The following RICTOR variants were observed in gnomAD, a reference collection of about 807,000 sequenced individuals.
The protein encoded by RICTOR is rapamycin-insensitive companion of mTOR.
Under a neutral mutation model 214.9 loss-of-function variants are expected in RICTOR, and 49 were observed. That is an observed-to-expected ratio of 0.23 (90% confidence interval 0.18 to 0.29). The LOEUF (loss-of-function observed/expected upper bound fraction) is 0.29. Among genes scored for constraint, RICTOR ranks in the 10% least tolerant of loss-of-function variants. The pLI, the probability that RICTOR is intolerant of heterozygous loss-of-function variation, is 1.00. For missense variants in RICTOR, 1,625 were observed against 2,047.0 expected (o/e 0.79, Z 3.98); for synonymous variants, 717 against 711.3 (o/e 1.01, Z -0.13).
At chr5:39,011,687 C>T (rs556527167) in intron 3 of RICTOR, among the ~76,000 whole-genome samples, 1 of 152,260 alleles carries the variant, frequency 6.6e-6, no homozygotes, top group South Asian at 2.1e-4. Flanking sequence ...CAAGGGAGAT[C>T]ATTTTGGAAC....
rs1171727462 is a variant in RICTOR, at chr5:38,938,090, T to C, written c.*4214A>G. The C allele has an allele frequency of 2.4e-5, 5 of 207,482 alleles. No individual in the cohort carries two copies. Among genetic ancestry groups the C allele is most frequent in the East Asian group, 2.2e-4 (3 of 13,618 alleles). The allele number at this position is 207,482 out of a possible 1,614,324, so 12.9% of individuals were successfully genotyped here. ...CATTTGGGGACAAATCTTATTTAAATTATACACAACTCAATGAAATATTCT... is the reference window on the plus strand; with the variant it reads ...CATTTGGGGACAAATCTTATTTAAACTATACACAACTCAATGAAATATTCT... On this transcript the variant is annotated 3_prime_UTR_variant, in exon 38 of 38. Transcript: ENST00000357387.
intron 19 of RICTOR, among the ~76,000 whole-genome samples, chr5:38,961,859 C>T (rs1186148489): frequency 6.6e-6 from 1 of 151,944 alleles, no homozygotes; most frequent in Non-Finnish European, 1.5e-5. Context: ...AGAACAGCAT[C>T]GTAGCTTAAA....
chr5:38,943,155 TG>T lies in RICTOR; in HGVS notation c.4914-185del, dbSNP rs201162851. On this transcript the variant is annotated intron_variant, in intron 36 of 37. Transcript: ENST00000357387. ...GTCACACACTTAGACATTCTGAGTTTGGGTTTTTTTTTAAAAAAAATGATTA... is the reference window on the plus strand; with the variant it reads ...GTCACACACTTAGACATTCTGAGTTTGGTTTTTTTTTAAAAAAAATGATTA... The T allele has an allele frequency of 1.4e-3, 513 of 373,732 alleles. 2 individuals are homozygous for T. The highest frequency in any genetic ancestry group is 0.012 in the East Asian group (340 of 27,866). 23.2% of individuals were successfully genotyped at this position (373,732 alleles called of 1,614,324 possible). A position where few individuals can be genotyped will look rare whatever the true frequency, so the allele number is the denominator to read the frequency against.
chr5:39,022,188 T>C (rs1245348654), intron 2 of RICTOR, among the ~76,000 whole-genome samples: 1 of 152,188 alleles, frequency 6.6e-6, no homozygotes, highest in Non-Finnish European at 1.5e-5. Flanking sequence ...ACTAAGATGT[T>C]TGGTAGATTA....
At position 38,954,764 on chromosome 5, in the gene RICTOR, A is replaced by G; in HGVS notation, c.2697+10T>C. On this transcript the variant is annotated intron_variant, in intron 27 of 37. Coordinates refer to ENST00000357387, the MANE Select transcript of RICTOR (RefSeq NM_152756.5). ...TGTAGCTACTTAAAATAAGTGAATT[A>G]TGTTTTTACCTGTACTTCCAACAAA... is the stretch of plus-strand genomic sequence containing the variant. 6.7e-7 allele frequency: 1 copy of G among 1,489,042 alleles called. No individual in the cohort carries two copies. The highest frequency in any genetic ancestry group is 1.7e-4 in the Middle Eastern group (1 of 5,760). The allele number at this position is 1,489,042 out of a possible 1,614,324, so 92.2% of individuals were successfully genotyped here.
chr5:39,067,105 C>A (rs1020032030), intron 2 of RICTOR, among the ~76,000 whole-genome samples: 1 of 152,190 alleles, frequency 6.6e-6, no homozygotes, highest in African/African-American at 2.4e-5. Context: ...GCTGTTCTTG[C>A]ACTGCTATAA....
chr5:38,973,961 C>T (rs1371427278), intron 10 of RICTOR, among the ~76,000 whole-genome samples: 1 of 152,016 alleles, frequency 6.6e-6, no homozygotes, highest in Non-Finnish European at 1.5e-5. Flanking sequence ...GTTATTTCCA[C>T]GAGACAAATG....
intron 2 of RICTOR, among the ~76,000 whole-genome samples, chr5:39,049,510 C>T (rs775912238): frequency 8.6e-5 from 13 of 151,562 alleles, no homozygotes; most frequent in Non-Finnish European, 1.8e-4. Flanking sequence ...AACAAATAAG[C>T]ATAGCCATGT....
intron 7 of RICTOR, among the ~76,000 whole-genome samples, chr5:38,989,241 T>G (rs535524433): frequency 6.6e-6 from 1 of 152,188 alleles, no homozygotes; most frequent in South Asian, 2.1e-4. Flanking sequence ...TTGACAAACC[T>G]GACAAAAATA....
At chr5:38,999,027 C>CAAAAAAAAAAAAA (rs1186312478) in intron 5 of RICTOR, among the ~76,000 whole-genome samples, 20 of 25,306 alleles carry the variant, frequency 7.9e-4, no homozygotes, top group East Asian at 1.7e-3. Flanking sequence ...AACAAACAGG[C>CAAAAAAAAAAAAA]AAAAAAAAAA....
At chr5:39,019,097 T>C (rs1755191781) in intron 3 of RICTOR, among the ~76,000 whole-genome samples, 1 of 152,126 alleles carries the variant, frequency 6.6e-6, no homozygotes, top group Non-Finnish European at 1.5e-5. Flanking sequence ...TTAAATGTTA[T>C]GAAGGCTGAG....
At chr5:39,013,737 G>C (rs908305633) in intron 3 of RICTOR, among the ~76,000 whole-genome samples, 1 of 152,016 alleles carries the variant, frequency 6.6e-6, no homozygotes, top group Non-Finnish European at 1.5e-5. Context: ...AAAAAAAGTA[G>C]ATTGACATGT....
In RICTOR at chr5:38,950,627, T is replaced by A. The variant is rs142010480; in HGVS notation, c.3221A>T (p.Asp1074Val). 2 of 1,612,824 alleles carry A rather than the reference T, an allele frequency of 1.2e-6. No homozygotes were observed. Among genetic ancestry groups the A allele is most frequent in the Non-Finnish European group, 1.7e-6 (2 of 1,179,200 alleles). The part of the protein sequence containing the change: ...INEDTEPTFY[D>V]RSGPIKDKNS... ...TTTATCCTTTATGGGTCCAGATCGG[T>A]CATAAAATGTTGGCTCTGTATCTTC... The change falls in exon 31 of 38, where the codon GAC becomes GTC. Residue 1074 changes from aspartate to valine, a missense_variant. By Grantham distance (152) the Asp-to-Val change is radical. This residue lies in a region of RICTOR where 1,214 missense variants were observed against 1,470.5 expected (regional missense o/e 0.83). Transcript: ENST00000357387.
Position 38,978,668 on chromosome 5 carries a change from G to T in RICTOR, c.754-18C>A, listed in dbSNP as rs1751433662. ...AAAATTCTCTATTTAAAAAAAAAAA[G>T]GAAGAAAAGAGTCTTTATTTTAAAA... On this transcript the variant is annotated intron_variant, in intron 8 of 37. Coordinates refer to ENST00000357387, the MANE Select transcript of RICTOR (RefSeq NM_152756.5). The T allele has an allele frequency of 1.7e-6, 2 of 1,205,576 alleles. No homozygotes were observed. The highest frequency in any genetic ancestry group is 2.4e-6 in the Non-Finnish European group (2 of 837,578). 74.7% of individuals were successfully genotyped at this position (1,205,576 alleles called of 1,614,324 possible). A position where few individuals can be genotyped will look rare whatever the true frequency, so the allele number is the denominator to read the frequency against.
chr5:39,068,794 A>G (rs907773625), intron 2 of RICTOR, among the ~76,000 whole-genome samples: 5 of 152,234 alleles, frequency 3.3e-5, no homozygotes, highest in Non-Finnish European at 7.3e-5. Flanking sequence ...GAGGATAAGC[A>G]GCAGATCTCT....
intron 3 of RICTOR, among the ~76,000 whole-genome samples, chr5:39,015,833 AT>A (rs1754899706): frequency 6.6e-6 from 1 of 152,276 alleles, no homozygotes; most frequent in African/African-American, 2.4e-5. Context: ...AGCACATATT[AT>A]GTGTCAGGCA....
intron 2 of RICTOR, among the ~76,000 whole-genome samples, chr5:39,057,081 G>A (rs1758252140): frequency 6.6e-6 from 1 of 152,140 alleles, no homozygotes; most frequent in East Asian, 1.9e-4. Flanking sequence ...ATACATGAGT[G>A]AATAAATTAG....
intron 9 of RICTOR, among the ~76,000 whole-genome samples, chr5:38,978,214 A>G (rs936779570): frequency 1.3e-5 from 2 of 152,190 alleles, no homozygotes; most frequent in African/African-American, 4.8e-5. Flanking sequence ...TCAGAATTCT[A>G]CATATTACAT....
chr5:39,010,637 A>C (rs1213128551), intron 3 of RICTOR, among the ~76,000 whole-genome samples: 2 of 152,200 alleles, frequency 1.3e-5, no homozygotes, highest in East Asian at 3.9e-4. Context: ...GATGGAGATG[A>C]GGAACTTGTT....
Sources: allele counts gnomAD v4.1 joint callset (sites outside exome capture counted in the v4.1 genomes callset), GRCh38; gene constraint gnomAD v4.1.1; regional missense constraint gnomAD v4.1.1; transcripts MANE v1.5; gene names NCBI Gene and HGNC (gene_info 2026-07-23, HGNC 2026-07-21).